PARD3: variants seen among roughly 807,000 people sequenced by gnomAD.
PARD3 encodes the protein par-3 family cell polarity regulator, also known as partitioning defective 3 homolog.
In PARD3, 75 loss-of-function variants were observed where a neutral mutation model predicts 155.4. The ratio of observed to expected loss-of-function variants is 0.48; its 90% CI spans 0.40 to 0.58. The LOEUF is 0.58. Among genes scored for constraint, PARD3 ranks in the 20% least tolerant of loss-of-function variants. PARD3 has a pLI of 0.00. For missense variants in PARD3, 1,642 were observed against 1,721.7 expected (o/e 0.95, Z 0.82); for synonymous variants, 576 against 610.5 (o/e 0.94, Z 0.83).
In PARD3 at chr10:34,666,813, A is replaced by ATG. The variant is rs1304809369; in HGVS notation, c.222+29504_222+29505insCA. Among the ~76,000 whole-genome samples the ATG allele has an allele frequency of 2.8e-3, 319 of 112,264 alleles. 2 individuals carry two copies. The highest frequency in any genetic ancestry group is 0.012 in the African/African-American group (311 of 25,028). The allele number at this position is 112,264 out of a possible 152,430, so 73.6% of individuals were successfully genotyped here. ...AAAAAAAAAATATATATATATATAT[A>ATG]TATACACACACACACACACACACAA... On this transcript the variant is annotated intron_variant, in intron 2 of 24. Coordinates refer to ENST00000374788, the MANE Select transcript of PARD3 (RefSeq NM_001184785.2).
intron 1 of PARD3, among the ~76,000 whole-genome samples, chr10:34,734,401 T>A (rs1248408707): frequency 2.3e-5 from 3 of 130,302 alleles, no homozygotes; most frequent in Non-Finnish European, 4.7e-5. Flanking sequence ...AGTGGCGCGA[T>A]CTCAGCTCAC....
chr10:34,161,713 T>C (rs1040475287), intron 22 of PARD3, among the ~76,000 whole-genome samples: 2 of 152,186 alleles, frequency 1.3e-5, no homozygotes, highest in African/African-American at 4.8e-5. Flanking sequence ...AGAAATTCGC[T>C]GTTCATTTCA....
chr10:34,786,270 CAG>C (rs1333297029), intron 1 of PARD3, among the ~76,000 whole-genome samples: 1 of 152,218 alleles, frequency 6.6e-6, no homozygotes, highest in Non-Finnish European at 1.5e-5. Context: ...ATCCCAATGT[CAG>C]AGTTTCCACT....
At chr10:34,443,068 T>A (rs991509955) in intron 5 of PARD3, among the ~76,000 whole-genome samples, 3 of 151,998 alleles carry the variant, frequency 2.0e-5, no homozygotes, top group Admixed American at 2.0e-4. Flanking sequence ...AAAAAACAAC[T>A]CTGGTAAGTC....
At chr10:34,274,926 T>C (rs1475638307) in intron 21 of PARD3, among the ~76,000 whole-genome samples, 1 of 152,170 alleles carries the variant, frequency 6.6e-6, no homozygotes, top group African/African-American at 2.4e-5. Context: ...TCAGTTTCAT[T>C]ATATTACTGA....
At chr10:34,445,129 T>C (rs946659349) in intron 5 of PARD3, among the ~76,000 whole-genome samples, 4 of 151,930 alleles carry the variant, frequency 2.6e-5, no homozygotes, top group Admixed American at 6.6e-5. Flanking sequence ...ATATGTTTAA[T>C]AGCAAAAACT....
At chr10:34,616,057 G>C (rs1644633274) in intron 2 of PARD3, among the ~76,000 whole-genome samples, 1 of 152,148 alleles carries the variant, frequency 6.6e-6, no homozygotes, top group African/African-American at 2.4e-5. Context: ...AAAATAAAAA[G>C]CCTGTAATTC....
intron 2 of PARD3, among the ~76,000 whole-genome samples, chr10:34,550,333 T>TC (rs2084440525): frequency 6.6e-6 from 1 of 152,276 alleles, no homozygotes; most frequent in Non-Finnish European, 1.5e-5. Flanking sequence ...CACCTCTGCC[T>TC]CCCAGGTAGC....
intron 20 of PARD3, among the ~76,000 whole-genome samples, chr10:34,305,117 TAA>T (rs1167196747): frequency 6.6e-6 from 1 of 152,112 alleles, no homozygotes; most frequent in Non-Finnish European, 1.5e-5. Context: ...TTCCTTTTTT[TAA>T]AAAAAGACTA....
intron 22 of PARD3, among the ~76,000 whole-genome samples, chr10:34,161,928 A>G (rs1373043485): frequency 6.6e-6 from 1 of 152,222 alleles, no homozygotes; most frequent in African/African-American, 2.4e-5. Context: ...ACAGGGAAAG[A>G]GCCCATTTGG....
chr10:34,734,301 A>G (rs558090988), intron 1 of PARD3, among the ~76,000 whole-genome samples: 13 of 148,606 alleles, frequency 8.7e-5, no homozygotes, highest in Admixed American at 1.3e-4. Context: ...AAGATTACAC[A>G]TATAACAAAT....
At chr10:34,374,047 ATC>A (rs1840971225) in intron 11 of PARD3, among the ~76,000 whole-genome samples, 1 of 152,166 alleles carries the variant, frequency 6.6e-6, no homozygotes, top group Non-Finnish European at 1.5e-5. Context: ...TCCAAGTAGA[ATC>A]TGTTTTGAAA....
At chr10:34,452,022 G>C (rs2077089893) in intron 4 of PARD3, among the ~76,000 whole-genome samples, 1 of 152,074 alleles carries the variant, frequency 6.6e-6, no homozygotes, top group Non-Finnish European at 1.5e-5. Flanking sequence ...GGGTAGACTT[G>C]TTAATGACAG....
intron 3 of PARD3, among the ~76,000 whole-genome samples, chr10:34,504,196 C>T (rs1162109875): frequency 6.6e-6 from 1 of 151,822 alleles, no homozygotes. Flanking sequence ...GTGGTATGAT[C>T]ACAGCTCACT....
intron 4 of PARD3, among the ~76,000 whole-genome samples, chr10:34,456,955 T>A (rs1209042718): frequency 1.3e-5 from 2 of 152,170 alleles, no homozygotes; most frequent in African/African-American, 4.8e-5. Flanking sequence ...GGAATTCTAA[T>A]ATAGAAGAAT....
chr10:34,562,063 G>A (rs116612508), intron 2 of PARD3, among the ~76,000 whole-genome samples: 7 of 147,200 alleles, frequency 4.8e-5, no homozygotes, highest in Non-Finnish European at 4.5e-5. Flanking sequence ...AACCTGGGAG[G>A]GGGGGTGAAC....
At chr10:34,248,299 G>C (rs979409429) in intron 22 of PARD3, among the ~76,000 whole-genome samples, 2 of 152,104 alleles carry the variant, frequency 1.3e-5, no homozygotes, top group Non-Finnish European at 2.9e-5. Flanking sequence ...AAACCATTCT[G>C]GCCTAGCTAT....
intron 20 of PARD3, among the ~76,000 whole-genome samples, chr10:34,299,392 T>G (rs1196392641): frequency 6.6e-6 from 1 of 152,256 alleles, no homozygotes; most frequent in Non-Finnish European, 1.5e-5. Flanking sequence ...GATGGCTTCA[T>G]GCACTTTCTA....
At chr10:34,558,971 A>G (rs533289412) in intron 2 of PARD3, among the ~76,000 whole-genome samples, 1 of 152,050 alleles carries the variant, frequency 6.6e-6, no homozygotes, top group Non-Finnish European at 1.5e-5. Flanking sequence ...AAGTAAGTAA[A>G]TAAATAAATG....
Sources: allele counts gnomAD v4.1 joint callset (sites outside exome capture counted in the v4.1 genomes callset), GRCh38; gene constraint gnomAD v4.1.1; transcripts MANE v1.5; gene names NCBI Gene and HGNC (gene_info 2026-07-23, HGNC 2026-07-21).